The following KCNC2 variants were observed in gnomAD, a reference collection of about 807,000 sequenced individuals.
KCNC2 encodes voltage-gated potassium channel KCNC2.
KCNC2 carries 21 observed loss-of-function variants against 44.5 expected under a neutral mutation model. The observed-to-expected ratio is 0.47, with a 90% CI of 0.33 to 0.68. KCNC2 has a LOEUF of 0.68. KCNC2 is among the 30% of genes least tolerant of loss of function. The pLI is 0.01. For synonymous variants in KCNC2, 391 were observed against 339.1 expected, an observed-to-expected ratio of 1.15 and a Z score of -1.68; for missense variants, 589 against 826.2, an observed-to-expected ratio of 0.71 and a Z score of 3.52.
At chr12:75,174,130 TCTAA>T (rs1233763778) in intron 2 of KCNC2, among the ~76,000 whole-genome samples, 4 of 136,594 alleles carry the variant, frequency 2.9e-5, no homozygotes, top group Non-Finnish European at 6.4e-5. Context: ...TCTTCACAGT[TCTAA>T]CTTTTTTTTT....
intron 2 of KCNC2, among the ~76,000 whole-genome samples, chr12:75,075,239 TTAATCTTGTTTTATC>T (rs1014015676): frequency 1.1e-4 from 16 of 152,000 alleles, no homozygotes; most frequent in African/African-American, 3.1e-4. Context: ...TTTAAAAAAC[TTAATCTTGTTTTATC>T]CATTTATCAT....
chr12:75,047,892 C>A (rs187934916), intron 4 of KCNC2, among the ~76,000 whole-genome samples: 5 of 152,040 alleles, frequency 3.3e-5, no homozygotes, highest in Admixed American at 3.3e-4. Flanking sequence ...TTTACATATT[C>A]CATTCCAATT....
intron 2 of KCNC2, among the ~76,000 whole-genome samples, chr12:75,191,330 G>A (rs767041046): frequency 9.9e-5 from 15 of 150,952 alleles, no homozygotes; most frequent in Non-Finnish European, 2.1e-4. Flanking sequence ...ATAGTCTTTG[G>A]GGAAAAAAAG....
rs983067940 is a variant in KCNC2, at chr12:75,043,472, T to G, written c.1781-231A>C. On this transcript the variant is annotated intron_variant, in intron 4 of 4. Coordinates refer to ENST00000549446, the MANE Select transcript of KCNC2 (RefSeq NM_139137.4). ...AAATTATTGTTACAATACTTCAAAA[T>G]ATATTTTTTCCCAGATTATAGTTAG... 14 of 1,315,938 alleles carry G rather than the reference T, an allele frequency of 1.1e-5. No individual in the cohort carries two copies. In the African/African-American group the frequency reaches 1.8e-4, roughly 17 times the overall value. 81.5% of individuals were successfully genotyped at this position (1,315,938 alleles called of 1,614,324 possible). A position where few individuals can be genotyped will look rare whatever the true frequency, so the allele number is the denominator to read the frequency against.
Position 75,144,528 on chromosome 12 carries a change from T to C in KCNC2, c.687+62769A>G, listed in dbSNP as rs1474051948. Among the ~76,000 whole-genome samples the C allele has an allele frequency of 2.0e-5, 3 of 152,136 alleles. No individual in the cohort carries two copies. The East Asian group carries it at 5.8e-4, about 29-fold the overall frequency. On this transcript the variant is annotated intron_variant, in intron 2 of 4. Coordinates refer to ENST00000549446, the MANE Select transcript of KCNC2 (RefSeq NM_139137.4). ...TGGGGGGTTAAGGCAGGAAGATCAA[T>C]TGAGCTCAAGAGTTTGAGACCAGCC...
intron 4 of KCNC2, among the ~76,000 whole-genome samples, chr12:75,046,984 C>A (rs1307268049): frequency 1.3e-5 from 2 of 151,754 alleles, no homozygotes; most frequent in African/African-American, 4.8e-5. Context: ...AATATTTGAA[C>A]CTTAAAATGG....
chr12:75,194,857 TG>T (rs1273212988), intron 2 of KCNC2, among the ~76,000 whole-genome samples: 1 of 152,150 alleles, frequency 6.6e-6, no homozygotes, highest in Non-Finnish European at 1.5e-5. Flanking sequence ...AAGAAAATGG[TG>T]TGGTATATAT....
chr12:75,150,217 T>C (rs1890295197), intron 2 of KCNC2, among the ~76,000 whole-genome samples: 2 of 151,914 alleles, frequency 1.3e-5, no homozygotes, highest in African/African-American at 4.8e-5. Flanking sequence ...ATAATTTGGA[T>C]GACTCATAAA....
intron 4 of KCNC2, chr12:75,043,506 TA>T: frequency 1.6e-6 from 2 of 1,263,528 alleles, no homozygotes; most frequent in South Asian, 4.8e-5. Flanking sequence ...AGCATTAATA[TA>T]ATTTTGGCAT....
rs912307189 is a variant in KCNC2 at position 75,085,969 on chromosome 12, CT to C, written c.688-34653del. ...CACCCTTTAAATATTTCTCAGTACA[CT>C]TTTTTTTCTGCTGAAGGTGAAAGTC... On this transcript the variant is annotated intron_variant, in intron 2 of 4. Coordinates refer to ENST00000549446, the MANE Select transcript of KCNC2 (RefSeq NM_139137.4). Among the ~76,000 whole-genome samples the C allele has an allele frequency of 3.3e-4, 50 of 151,982 alleles. 1 individual carries two copies. The highest frequency in any genetic ancestry group is 1.1e-3 in the African/African-American group (45 of 41,504).
Position 75,041,780 on chromosome 12 carries a change from C to T in KCNC2, c.*1325G>A, listed in dbSNP as rs765222799. The T allele has an allele frequency of 6.7e-4, 663 of 990,588 alleles. No individual in the cohort carries two copies. Among genetic ancestry groups the T allele is most frequent in the Non-Finnish European group, 7.6e-4 (633 of 833,070 alleles). 61.4% of individuals were successfully genotyped at this position (990,588 alleles called of 1,614,324 possible). ...TGCTTATCAAAAAGATTCACAGTGC[C>T]GATTAACTTAGGTAGTCTACAGAGC... On this transcript the variant is annotated 3_prime_UTR_variant, in exon 5 of 5. Transcript: ENST00000549446.
chr12:75,149,512 G>A (rs1381695328), intron 2 of KCNC2, among the ~76,000 whole-genome samples: 1 of 151,684 alleles, frequency 6.6e-6, no homozygotes. Flanking sequence ...TGGTTTTCTT[G>A]CCAGTCCTCT....
intron 2 of KCNC2, among the ~76,000 whole-genome samples, chr12:75,168,522 A>G (rs1351162737): frequency 1.3e-5 from 2 of 151,504 alleles, no homozygotes; most frequent in East Asian, 3.9e-4. Flanking sequence ...CTATATGCCA[A>G]TAAATTTCAC....
chr12:75,044,496 A>G (rs926183704), intron 4 of KCNC2: 6 of 151,890 alleles, frequency 4.0e-5, no homozygotes, highest in African/African-American at 1.2e-4. Flanking sequence ...CTTTAATTCA[A>G]TCTTTTCATG....
chr12:75,128,581 C>A (rs897363620), intron 2 of KCNC2, among the ~76,000 whole-genome samples: 18 of 152,014 alleles, frequency 1.2e-4, no homozygotes, highest in Non-Finnish European at 1.8e-4. Flanking sequence ...TTTATACAAG[C>A]CATACCCAAT....
At chr12:75,152,748 G>A (rs954821655) in intron 2 of KCNC2, among the ~76,000 whole-genome samples, 1 of 151,940 alleles carries the variant, frequency 6.6e-6, no homozygotes, top group African/African-American at 2.4e-5. Context: ...TGTTGGAAGG[G>A]CCATAGAGTT....
chr12:75,170,113 G>A (rs545843527), intron 2 of KCNC2, among the ~76,000 whole-genome samples: 30 of 151,582 alleles, frequency 2.0e-4, no homozygotes, highest in African/African-American at 7.3e-4. Flanking sequence ...TTTTCTCAAG[G>A]TGAAGTCACT....
At chr12:75,120,143 C>T (rs1887952718) in intron 2 of KCNC2, among the ~76,000 whole-genome samples, 1 of 152,164 alleles carries the variant, frequency 6.6e-6, no homozygotes, top group Non-Finnish European at 1.5e-5. Context: ...TTTGATATTT[C>T]TAGTCATTTG....
intron 2 of KCNC2, among the ~76,000 whole-genome samples, chr12:75,119,641 A>G (rs1035641921): frequency 3.9e-5 from 6 of 152,168 alleles, no homozygotes; most frequent in African/African-American, 1.4e-4. Context: ...CTCTTGCCCC[A>G]GAGAGCTGCA....
Sources: allele counts gnomAD v4.1 joint callset (sites outside exome capture counted in the v4.1 genomes callset), GRCh38; gene constraint gnomAD v4.1.1; transcripts MANE v1.5; gene names NCBI Gene and HGNC (gene_info 2026-07-23, HGNC 2026-07-21).